DLG2: variants seen among roughly 807,000 people sequenced by gnomAD.
The protein encoded by DLG2 is discs large MAGUK scaffold protein 2.
In DLG2, 45 loss-of-function variants were observed where a neutral mutation model predicts 132.5. The observed-to-expected ratio is 0.34, with a 90% CI of 0.27 to 0.44. DLG2 has a LOEUF of 0.44. DLG2 is among the 20% of genes least tolerant of loss of function. DLG2 has a pLI of 1.00. For synonymous variants in DLG2, 424 were observed against 419.6 expected, an observed-to-expected ratio of 1.01 and a Z score of -0.13; for missense variants, 1,045 against 1,196.9, an observed-to-expected ratio of 0.87 and a Z score of 1.87.
intron 18 of DLG2, among the ~76,000 whole-genome samples, chr11:83,750,129 C>G (rs1424699421): frequency 6.6e-6 from 1 of 152,152 alleles, no homozygotes; most frequent in African/African-American, 2.4e-5. Context: ...TACTCTAGTT[C>G]TTAAGTTAAA....
At chr11:85,544,966 T>A (rs2076213985) in intron 3 of DLG2, among the ~76,000 whole-genome samples, 2 of 152,228 alleles carry the variant, frequency 1.3e-5, no homozygotes, top group South Asian at 4.1e-4. Context: ...CTTTTCCTAA[T>A]TGAATACCGT....
At chr11:84,876,089 A>G (rs2086303433) in intron 6 of DLG2, among the ~76,000 whole-genome samples, 1 of 152,038 alleles carries the variant, frequency 6.6e-6, no homozygotes, top group Non-Finnish European at 1.5e-5. Flanking sequence ...TCTCCTTGAC[A>G]TTTTCCAGAA....
chr11:83,974,362 T>C (rs2091881552), intron 12 of DLG2, among the ~76,000 whole-genome samples: 1 of 152,056 alleles, frequency 6.6e-6, no homozygotes. Context: ...TCCTAAAGTA[T>C]TTCATGGCTT....
chr11:84,936,255 T>TAA (rs2154094361), intron 6 of DLG2, among the ~76,000 whole-genome samples: 1 of 152,298 alleles, frequency 6.6e-6, no homozygotes, highest in South Asian at 2.1e-4. Context: ...TATATAAACT[T>TAA]TTACTATAAT....
intron 7 of DLG2, among the ~76,000 whole-genome samples, chr11:84,257,753 C>G (rs1212427990): frequency 7.2e-6 from 1 of 139,790 alleles, no homozygotes; most frequent in Non-Finnish European, 1.5e-5. Flanking sequence ...GTAGTCCCAT[C>G]TTGGCTTACC....
In DLG2 at chr11:85,020,835, G is replaced by A. The variant is rs183497693; in HGVS notation, c.357+90826C>T. 5 of 744,428 alleles carry A rather than the reference G, an allele frequency of 6.7e-6. No homozygotes were observed. The African/African-American group carries it at 8.6e-5, about 13-fold the overall frequency. 46.1% of individuals were successfully genotyped at this position (744,428 alleles called of 1,614,324 possible). On this transcript the variant is annotated intron_variant, in intron 6 of 27. Coordinates refer to ENST00000376104, the MANE Select transcript of DLG2 (RefSeq NM_001142699.3). ...CATCATCCTTGATCAGCTCCAGCTG[G>A]CCATCCCCCAATCTTCATTGTCATC...
chr11:85,096,833 C>T (rs531805634), intron 6 of DLG2, among the ~76,000 whole-genome samples: 1 of 152,180 alleles, frequency 6.6e-6, no homozygotes, highest in East Asian at 1.9e-4. Context: ...AAGAGATTAG[C>T]GTGGCCACTG....
chr11:85,393,629 A>ATGTGTGTGTGTG (rs35765389), intron 3 of DLG2, among the ~76,000 whole-genome samples: 3 of 143,722 alleles, frequency 2.1e-5, no homozygotes, highest in South Asian at 2.2e-4. Flanking sequence ...TGGTATGCAT[A>ATGTGTGTGTGTG]TGTGTGTGTG....
At chr11:85,020,468 GA>G (rs1396733817) in intron 6 of DLG2, among the ~76,000 whole-genome samples, 1 of 152,148 alleles carries the variant, frequency 6.6e-6, no homozygotes, top group Non-Finnish European at 1.5e-5. Flanking sequence ...AGTTTAGTTA[GA>G]TCCCATTTGT....
intron 10 of DLG2, among the ~76,000 whole-genome samples, chr11:84,088,550 G>T (rs1465965636): frequency 4.6e-5 from 7 of 152,152 alleles, no homozygotes; most frequent in African/African-American, 1.7e-4. Flanking sequence ...ATGTGCAGCT[G>T]AAATTATTCT....
chr11:84,813,571 G>T (rs1301861514), intron 6 of DLG2, among the ~76,000 whole-genome samples: 1 of 152,086 alleles, frequency 6.6e-6, no homozygotes, highest in African/African-American at 2.4e-5. Flanking sequence ...AAAAAGGCTG[G>T]TGTGGGACTC....
chr11:84,719,797 G>C (rs2061593814), intron 6 of DLG2, among the ~76,000 whole-genome samples: 1 of 152,134 alleles, frequency 6.6e-6, no homozygotes, highest in Non-Finnish European at 1.5e-5. Context: ...GGGGCAACCT[G>C]AGCCTAGCTC....
intron 4 of DLG2, among the ~76,000 whole-genome samples, chr11:85,243,644 A>G (rs1272263287): frequency 6.6e-6 from 1 of 151,934 alleles, no homozygotes; most frequent in Admixed American, 6.6e-5. Context: ...GTTTTATTGC[A>G]AAGTCAAAGA....
intron 18 of DLG2, among the ~76,000 whole-genome samples, chr11:83,724,472 T>TGAGAGAGAGAGAGAGA (rs1384949474): frequency 7.2e-5 from 7 of 97,530 alleles, no homozygotes; most frequent in South Asian, 4.4e-4. Context: ...TGTGTGTGTG[T>TGAGAGAGAGAGAGAGA]GTGTGAGAGA....
chr11:84,166,911 CA>C (rs1186007538), intron 8 of DLG2: 1 of 532,820 alleles, frequency 1.9e-6, no homozygotes, highest in Non-Finnish European at 3.8e-6. Flanking sequence ...CGGCCGAATA[CA>C]TTTTTTTTCT....
chr11:85,385,062 G>C (rs964752454), intron 3 of DLG2, among the ~76,000 whole-genome samples: 1 of 152,134 alleles, frequency 6.6e-6, no homozygotes, highest in Non-Finnish European at 1.5e-5. Context: ...CCTACTTACA[G>C]TGGCTTAATG....
intron 6 of DLG2, among the ~76,000 whole-genome samples, chr11:84,742,764 TA>T: frequency 6.6e-6 from 1 of 152,240 alleles, no homozygotes; most frequent in Middle Eastern, 3.4e-3. Flanking sequence ...TCATATAGAG[TA>T]ATTTCACTGC....
At chr11:85,441,013 T>A (rs2091752274) in intron 3 of DLG2, among the ~76,000 whole-genome samples, 1 of 152,222 alleles carries the variant, frequency 6.6e-6, no homozygotes, top group Admixed American at 6.5e-5. Flanking sequence ...TTTTGACACC[T>A]CCTAAAAGCA....
chr11:84,664,101 G>A (rs1233979812), intron 6 of DLG2, among the ~76,000 whole-genome samples: 3 of 152,132 alleles, frequency 2.0e-5, no homozygotes, highest in Non-Finnish European at 4.4e-5. Context: ...AAGCAAAGTG[G>A]CAGGCACATT....
Sources: gnomAD v4.1 joint callset for allele counts (sites outside exome capture counted in the v4.1 genomes callset) on GRCh38, gnomAD v4.1.1 for gene constraint, MANE v1.5 for transcripts, NCBI Gene and HGNC (gene_info 2026-07-23, HGNC 2026-07-21) for gene names.